The following NRXN1 variants were observed in gnomAD, a reference collection of about 807,000 sequenced individuals.
NRXN1 encodes neurexin 1.
In NRXN1, 39 loss-of-function variants were observed where a neutral mutation model predicts 150.9. The observed-to-expected ratio is 0.26, with a 90% confidence interval of 0.20 to 0.34. The LOEUF is 0.34. Among genes scored for constraint, NRXN1 ranks in the 10% least tolerant of loss-of-function variants. The pLI, the probability that NRXN1 is intolerant of heterozygous loss-of-function variation, is 1.00. For missense variants in NRXN1, 1,815 were observed against 1,949.9 expected (o/e 0.93, Z 1.30); for synonymous variants, 924 against 757.0 (o/e 1.22, Z -3.62).
intron 17 of NRXN1, among the ~76,000 whole-genome samples, chr2:50,243,535 T>C (rs1468891815): frequency 6.6e-6 from 1 of 151,832 alleles, no homozygotes; most frequent in Non-Finnish European, 1.5e-5. Flanking sequence ...ACTATTTTCT[T>C]GCATTGGAAT....
intron 18 of NRXN1, among the ~76,000 whole-genome samples, chr2:50,123,752 G>C (rs1468882717): frequency 1.3e-5 from 2 of 152,134 alleles, no homozygotes; most frequent in East Asian, 3.9e-4. Flanking sequence ...GTGAGATGCA[G>C]GATGAAGGAA....
chr2:50,043,572 G>C (rs1377454347), intron 21 of NRXN1, among the ~76,000 whole-genome samples: 1 of 152,138 alleles, frequency 6.6e-6, no homozygotes, highest in Non-Finnish European at 1.5e-5. Flanking sequence ...TTGGATCCAT[G>C]AACACAAGTA....
chr2:50,685,806 A>T (rs1691144367), intron 5 of NRXN1, among the ~76,000 whole-genome samples: 1 of 152,142 alleles, frequency 6.6e-6, no homozygotes, highest in African/African-American at 2.4e-5. Context: ...GCATCATCAA[A>T]CCCCAATGTC....
At chr2:50,964,151 T>A (rs1693672758) in intron 2 of NRXN1, among the ~76,000 whole-genome samples, 1 of 151,626 alleles carries the variant, frequency 6.6e-6, no homozygotes, top group Non-Finnish European at 1.5e-5. Context: ...CATTTGAAAT[T>A]GTCCAGTGAG....
At chr2:50,128,994 TAAATA>T (rs201233969) in intron 18 of NRXN1, among the ~76,000 whole-genome samples, 2,371 of 150,768 alleles carry the variant, frequency 0.016, 61 homozygotes, top group African/African-American at 0.054. Flanking sequence ...AATAAATAAA[TAAATA>T]AATAAATAAA....
Position 49,969,461 on chromosome 2 carries a change from T to C in NRXN1, c.4129-25670A>G, listed in dbSNP as rs552863633. 1.7e-3 allele frequency among the ~76,000 whole-genome samples: 261 copies of C among 152,188 alleles called. 2 individuals carry two copies. The highest frequency in any genetic ancestry group is 6.2e-3 in the African/African-American group (256 of 41,556). ...TAAAGTGCTTTAAAAAAATCAAAAT[T>C]CTATGTAAAAGGTTTGATCTGACAA... On this transcript the variant is annotated intron_variant, in intron 21 of 22. Coordinates refer to ENST00000401669, the MANE Select transcript of NRXN1 (RefSeq NM_001330078.2).
intron 17 of NRXN1, among the ~76,000 whole-genome samples, chr2:50,367,826 T>A (rs1483863596): frequency 1.3e-5 from 2 of 152,044 alleles, no homozygotes; most frequent in African/African-American, 4.8e-5. Context: ...AAATGCTGTT[T>A]ATGAAGTTTT....
intron 12 of NRXN1, among the ~76,000 whole-genome samples, chr2:50,513,465 T>C (rs2092530132): frequency 6.6e-6 from 1 of 152,174 alleles, no homozygotes; most frequent in African/African-American, 2.4e-5. Context: ...TTGTGTTTGG[T>C]TATTTAATTC....
intron 8 of NRXN1, among the ~76,000 whole-genome samples, chr2:50,588,446 A>G (rs1316969299): frequency 6.6e-6 from 1 of 152,170 alleles, no homozygotes; most frequent in Non-Finnish European, 1.5e-5. Context: ...GTGTGTATAA[A>G]CATTGTGACA....
intron 2 of NRXN1, among the ~76,000 whole-genome samples, chr2:50,958,166 A>T (rs552195011): frequency 1.3e-5 from 2 of 152,144 alleles, no homozygotes; most frequent in Non-Finnish European, 2.9e-5. Context: ...AATATTTGGA[A>T]AGATTTTAAT....
At chr2:50,440,368 A>T (rs926835351) in intron 17 of NRXN1, among the ~76,000 whole-genome samples, 1 of 152,094 alleles carries the variant, frequency 6.6e-6, no homozygotes, top group Non-Finnish European at 1.5e-5. Flanking sequence ...AACCTGACGG[A>T]TCTAGTTTCT....
At chr2:50,034,151 C>T (rs746923667) in intron 21 of NRXN1, among the ~76,000 whole-genome samples, 1 of 151,972 alleles carries the variant, frequency 6.6e-6, no homozygotes, top group Non-Finnish European at 1.5e-5. Context: ...AGTATATACC[C>T]AAAGGAATAT....
intron 5 of NRXN1, among the ~76,000 whole-genome samples, chr2:50,814,580 C>T (rs1327366457): frequency 1.3e-5 from 2 of 151,686 alleles, no homozygotes; most frequent in African/African-American, 4.9e-5. Context: ...ATCTGGAAAA[C>T]TCCTTCATTC....
intron 19 of NRXN1, among the ~76,000 whole-genome samples, chr2:50,085,525 T>C (rs1698653728): frequency 6.6e-6 from 1 of 152,170 alleles, no homozygotes; most frequent in African/African-American, 2.4e-5. Flanking sequence ...TCTTAAGTAT[T>C]CTAATGTTCT....
chr2:50,006,167 T>C (rs767513976), intron 21 of NRXN1, among the ~76,000 whole-genome samples: 28 of 152,124 alleles, frequency 1.8e-4, no homozygotes, highest in Non-Finnish European at 3.8e-4. Flanking sequence ...TCATAATCAA[T>C]GGCCAATTAA....
intron 17 of NRXN1, among the ~76,000 whole-genome samples, chr2:50,454,751 G>A (rs192227791): frequency 7.9e-5 from 12 of 151,122 alleles, no homozygotes; most frequent in Admixed American, 5.3e-4. Flanking sequence ...ATATTACTGA[G>A]CATTTAATAA....
intron 10 of NRXN1, among the ~76,000 whole-genome samples, chr2:50,532,129 C>A (rs2093132678): frequency 6.6e-6 from 1 of 152,064 alleles, no homozygotes. Context: ...CTGTGCCCAG[C>A]CTCCAGCAAC....
At chr2:50,189,607 T>C (rs1251297244) in intron 18 of NRXN1, among the ~76,000 whole-genome samples, 2 of 152,150 alleles carry the variant, frequency 1.3e-5, no homozygotes, top group Non-Finnish European at 2.9e-5. Flanking sequence ...AATAAATCAG[T>C]ATATCTTGGT....
intron 12 of NRXN1, among the ~76,000 whole-genome samples, chr2:50,514,500 A>G (rs970373607): frequency 6.6e-6 from 1 of 152,214 alleles, no homozygotes; most frequent in African/African-American, 2.4e-5. Context: ...CAGCATTGGG[A>G]ATATCCGAGT....
Sources: gnomAD v4.1 joint callset for allele counts (sites outside exome capture counted in the v4.1 genomes callset) on GRCh38, gnomAD v4.1.1 for gene constraint, MANE v1.5 for transcripts, NCBI Gene and HGNC (gene_info 2026-07-23, HGNC 2026-07-21) for gene names.